Variants in RERE observed in about 807,000 individuals in gnomAD.
RERE encodes the protein arginine-glutamic acid dipeptide repeats, also known as arginine-glutamic acid dipeptide repeats protein.
In RERE, 40 loss-of-function variants were observed where a neutral mutation model predicts 146.1. The observed-to-expected ratio is 0.27, with a 90% confidence interval of 0.21 to 0.36. The LOEUF (loss-of-function observed/expected upper bound fraction) is 0.36, where lower values mean the gene tolerates loss of function less well. Among genes scored for constraint, RERE ranks in the 10% least tolerant of loss-of-function variants. RERE has a pLI of 1.00. For missense variants in RERE, 1,933 were observed against 2,138.7 expected (o/e 0.90, Z 1.90); for synonymous variants, 1,003 against 866.0 (o/e 1.16, Z -2.78).
At chr1:8,467,790 G>A (rs1348781198) in intron 10 of RERE, among the ~76,000 whole-genome samples, 2 of 151,990 alleles carry the variant, frequency 1.3e-5, no homozygotes, top group Admixed American at 1.3e-4. Context: ...GATTACAGGC[G>A]CCTGCCACCA....
intron 1 of RERE, among the ~76,000 whole-genome samples, chr1:8,671,815 C>T (rs1261662112): frequency 1.3e-5 from 2 of 151,978 alleles, no homozygotes; most frequent in African/African-American, 2.4e-5. Flanking sequence ...AATTTGAATC[C>T]GAAATAATTC....
At chr1:8,800,258 C>A (rs1429852643) in intron 1 of RERE, among the ~76,000 whole-genome samples, 25 of 143,894 alleles carry the variant, frequency 1.7e-4, no homozygotes, top group Admixed American at 2.1e-4. Context: ...GACTCTACGT[C>A]AAAAAAAAAA....
At chr1:8,494,615 C>A (rs1645022189) in intron 10 of RERE, among the ~76,000 whole-genome samples, 1 of 152,068 alleles carries the variant, frequency 6.6e-6, no homozygotes, top group African/African-American at 2.4e-5. Flanking sequence ...CCCAGCTACT[C>A]CGGAGGCTGA....
At chr1:8,742,867 CAAAAA>C (rs1330011632) in intron 1 of RERE, among the ~76,000 whole-genome samples, 6 of 93,172 alleles carry the variant, frequency 6.4e-5, no homozygotes, top group African/African-American at 2.1e-4. Context: ...GATCCTGTCT[CAAAAA>C]AAAAAAAAAA....
chr1:8,771,392 C>T (rs1037235012), intron 1 of RERE, among the ~76,000 whole-genome samples: 4 of 151,774 alleles, frequency 2.6e-5, no homozygotes, highest in Admixed American at 1.3e-4. Context: ...GACGTGATGG[C>T]GCACACCTGA....
intron 1 of RERE, among the ~76,000 whole-genome samples, chr1:8,769,829 C>T (rs1047631351): frequency 6.6e-6 from 1 of 151,718 alleles, no homozygotes; most frequent in Non-Finnish European, 1.5e-5. Flanking sequence ...CGCTCTGTTG[C>T]CCAGGCTGGA....
intron 1 of RERE, among the ~76,000 whole-genome samples, chr1:8,679,094 G>A (rs548850692): frequency 1.3e-5 from 2 of 152,222 alleles, no homozygotes; most frequent in African/African-American, 4.8e-5. Flanking sequence ...CATTGCCACT[G>A]AAAGTTCTAT....
intron 12 of RERE, among the ~76,000 whole-genome samples, chr1:8,367,881 G>A (rs559061623): frequency 6.6e-6 from 1 of 152,178 alleles, no homozygotes; most frequent in Non-Finnish European, 1.5e-5. Context: ...TTGGGTGTTG[G>A]CTAGACGGAA....
intron 1 of RERE, among the ~76,000 whole-genome samples, chr1:8,705,471 C>A (rs1639539569): frequency 6.6e-6 from 1 of 152,144 alleles, no homozygotes; most frequent in African/African-American, 2.4e-5. Context: ...GATCTCAGGT[C>A]AAACATCACT....
intron 12 of RERE, among the ~76,000 whole-genome samples, chr1:8,406,879 T>A (rs1306824995): frequency 6.6e-6 from 1 of 152,106 alleles, no homozygotes; most frequent in Non-Finnish European, 1.5e-5. Flanking sequence ...GAGTCAGAGC[T>A]CATACAACTT....
intron 3 of RERE, 108 bp from the exon 4 acceptor site, chr1:8,614,794 T>G: frequency 1.9e-4 from 242 of 1,262,988 alleles, no homozygotes; most frequent in Non-Finnish European, 2.4e-4. Flanking sequence ...CTTTAGCAGA[T>G]GACCTCTGAA....
intron 4 of RERE, among the ~76,000 whole-genome samples, chr1:8,591,324 T>C (rs964245810): frequency 2.6e-5 from 4 of 151,922 alleles, no homozygotes; most frequent in African/African-American, 7.3e-5. Context: ...AAGAGAAAGA[T>C]GGTGTAAAAG....
intron 1 of RERE, among the ~76,000 whole-genome samples, chr1:8,683,667 G>C (rs1235461407): frequency 6.6e-6 from 1 of 152,130 alleles, no homozygotes; most frequent in East Asian, 1.9e-4. Flanking sequence ...AATTGACCAG[G>C]CGCAGTGGCT....
chr1:8,572,662 G>T (rs544170362), intron 4 of RERE, among the ~76,000 whole-genome samples: 1 of 152,152 alleles, frequency 6.6e-6, no homozygotes, highest in African/African-American at 2.4e-5. Context: ...TCTGGAGATG[G>T]TTGCTGAGTA....
intron 11 of RERE, among the ~76,000 whole-genome samples, chr1:8,439,031 G>A (rs925377163): frequency 6.6e-6 from 1 of 152,050 alleles, no homozygotes; most frequent in African/African-American, 2.4e-5. Context: ...CCAGTAAATC[G>A]TCTCCCAGTC....
intron 1 of RERE, among the ~76,000 whole-genome samples, chr1:8,789,443 G>A (rs890533987): frequency 2.0e-5 from 3 of 150,752 alleles, no homozygotes; most frequent in Non-Finnish European, 2.9e-5. Context: ...GACCAAACAC[G>A]AGCAGTGGCA....
intron 1 of RERE, among the ~76,000 whole-genome samples, chr1:8,700,563 T>C (rs913582486): frequency 6.6e-6 from 1 of 152,216 alleles, no homozygotes; most frequent in Non-Finnish European, 1.5e-5. Context: ...TAAAAGCTTC[T>C]ATGTGCCACC....
chr1:8,713,339 G>A (rs1327221314), intron 1 of RERE, among the ~76,000 whole-genome samples: 1 of 152,108 alleles, frequency 6.6e-6, no homozygotes, highest in African/African-American at 2.4e-5. Context: ...TGACACTCTT[G>A]CTTGAATGCA....
At chr1:8,516,858 G>A (rs1046541728) in intron 7 of RERE, among the ~76,000 whole-genome samples, 20 of 152,172 alleles carry the variant, frequency 1.3e-4, no homozygotes, top group African/African-American at 4.6e-4. Context: ...ACCTATCAAA[G>A]TTAGAGGCCA....
Sources: gnomAD v4.1 joint callset for allele counts (sites outside exome capture counted in the v4.1 genomes callset) on GRCh38, gnomAD v4.1.1 for gene constraint, MANE v1.5 for transcripts, NCBI Gene and HGNC (gene_info 2026-07-23, HGNC 2026-07-21) for gene names.